The following GPR137C variants were observed in gnomAD, a reference collection of about 807,000 sequenced individuals.
GPR137C encodes the protein integral membrane protein GPR137C.
GPR137C carries 27 observed loss-of-function variants against 43.4 expected under a neutral mutation model. The observed-to-expected ratio is 0.62, with a 90% CI of 0.46 to 0.86. The LOEUF (loss-of-function observed/expected upper bound fraction) is 0.86. Ranked by LOEUF, GPR137C falls within the 40% of genes least tolerant of loss-of-function variation. GPR137C has a pLI of 0.00. For synonymous variants in GPR137C, 285 were observed against 226.9 expected, an observed-to-expected ratio of 1.26 and a Z score of -2.30; for missense variants, 522 against 534.6, an observed-to-expected ratio of 0.98 and a Z score of 0.23.
chr14:52,564,180 C>T (rs1319134271), intron 1 of GPR137C, among the ~76,000 whole-genome samples: 1 of 147,808 alleles, frequency 6.8e-6, no homozygotes, highest in Non-Finnish European at 1.5e-5. Flanking sequence ...GAGGCTGAGG[C>T]AGGAGAATTG....
chr14:52,572,055 C>G (rs1329168739), intron 1 of GPR137C, among the ~76,000 whole-genome samples: 1 of 152,064 alleles, frequency 6.6e-6, no homozygotes, highest in Non-Finnish European at 1.5e-5. Flanking sequence ...AGGAAGAAGT[C>G]AAATCCCCGA....
intron 1 of GPR137C, among the ~76,000 whole-genome samples, chr14:52,556,868 A>T (rs914498217): frequency 3.3e-5 from 5 of 152,128 alleles, no homozygotes; most frequent in African/African-American, 1.2e-4. Context: ...CATCTTCAAC[A>T]TATTGAAGTT....
intron 1 of GPR137C, among the ~76,000 whole-genome samples, chr14:52,559,392 C>CA (rs144561136): frequency 6.6e-6 from 1 of 151,892 alleles, no homozygotes; most frequent in Non-Finnish European, 1.5e-5. Context: ...AAAACAAAAA[C>CA]AAAAAACCTT....
chr14:52,571,096 A>G (rs566901384), intron 1 of GPR137C, among the ~76,000 whole-genome samples: 3 of 152,346 alleles, frequency 2.0e-5, no homozygotes, highest in East Asian at 1.9e-4. Context: ...GAAGTAAAAC[A>G]TTCCTCAGCA....
intron 1 of GPR137C, among the ~76,000 whole-genome samples, chr14:52,559,407 A>T (rs1043392929): frequency 5.9e-5 from 9 of 152,156 alleles, no homozygotes; most frequent in African/African-American, 2.2e-4. Context: ...AACCTTCAAA[A>T]TCAATGTGAT....
intron 1 of GPR137C, among the ~76,000 whole-genome samples, chr14:52,572,026 A>G (rs970415708): frequency 6.6e-6 from 1 of 152,110 alleles, no homozygotes; most frequent in Non-Finnish European, 1.5e-5. Flanking sequence ...GGACACATAC[A>G]CCCTCCCAAG....
rs781648942 is a variant in GPR137C at position 52,600,249 on chromosome 14, G to T, written c.625G>T (p.Asp209Tyr). ...TGTGTTTGTTCGAGCATTAATTAAT[G>T]ATAGCCTGTTTATTCTTTGTGCCAT... is the stretch of plus-strand genomic sequence containing the variant. ...WTVFVRALIN[D>Y]SLFILCAISL... Residue 209 changes from aspartate (D) to tyrosine (Y), a missense_variant, in exon 3 of 7, where the codon GAT becomes TAT. Physicochemically the swap from Asp to Tyr is radical, Grantham distance 160. This residue lies in a region of GPR137C where 437 missense variants were observed against 425.7 expected (regional missense o/e 1.03). Transcript: ENST00000321662. The T allele has an allele frequency of 1.2e-6, 2 of 1,613,566 alleles. No homozygotes were observed. Among genetic ancestry groups the T allele is most frequent in the Admixed American group, 1.7e-5 (1 of 60,000 alleles).
At position 52,553,184 on chromosome 14, in the gene GPR137C, G is replaced by GC; in HGVS notation, c.42dup (p.Ala15ArgfsTer138). 8.3e-7 allele frequency: 1 copy of GC among 1,198,758 alleles called. No homozygotes were observed. 74.3% of individuals were successfully genotyped at this position (1,198,758 alleles called of 1,614,324 possible). ...CGTGCCGGGTCCGGCGGCCGCTGCC[G>GC]CCCCCGCAGCCGGCCGCGAGCCCTC... On this transcript the variant is annotated frameshift_variant, in exon 1 of 7. Transcript: ENST00000321662. LOFTEE classifies it high-confidence loss of function.
At chr14:52,557,324 C>T (rs2038210004) in intron 1 of GPR137C, among the ~76,000 whole-genome samples, 1 of 152,098 alleles carries the variant, frequency 6.6e-6, no homozygotes. Context: ...TATGTATTGT[C>T]TGGAATCTAT....
At chr14:52,589,154 T>C (rs1594792724) in intron 1 of GPR137C, among the ~76,000 whole-genome samples, 1 of 152,218 alleles carries the variant, frequency 6.6e-6, no homozygotes, top group East Asian at 1.9e-4. Context: ...ATGAATCTAC[T>C]TATATGAGGT....
intron 3 of GPR137C, among the ~76,000 whole-genome samples, chr14:52,616,376 C>T (rs759144617): frequency 1.1e-4 from 16 of 152,142 alleles, no homozygotes; most frequent in Admixed American, 6.5e-4. Flanking sequence ...TCACTGCAAC[C>T]TCTGCCTCCT....
chr14:52,574,511 A>G (rs536026027), intron 1 of GPR137C, among the ~76,000 whole-genome samples: 4 of 152,262 alleles, frequency 2.6e-5, no homozygotes, highest in African/African-American at 9.6e-5. Context: ...GGAGTTGAAC[A>G]ATGAGAACAC....
At chr14:52,576,069 T>G (rs753495406) in intron 1 of GPR137C, among the ~76,000 whole-genome samples, 1 of 152,200 alleles carries the variant, frequency 6.6e-6, no homozygotes, top group Non-Finnish European at 1.5e-5. Context: ...AAACTGATAC[T>G]ATGTGGCCCA....
chr14:52,612,427 A>G (rs1399390980), intron 3 of GPR137C: 14 of 981,810 alleles, frequency 1.4e-5, no homozygotes, highest in Non-Finnish European at 9.7e-6. Context: ...CATAATGTTA[A>G]TTTTCTTCAA....
chr14:52,617,836 G>A (rs2039116858), intron 3 of GPR137C, among the ~76,000 whole-genome samples: 1 of 152,180 alleles, frequency 6.6e-6, no homozygotes, highest in African/African-American at 2.4e-5. Flanking sequence ...TAATGATAGT[G>A]CTCTCATGGG....
chr14:52,579,854 A>G (rs2038618101), intron 1 of GPR137C, among the ~76,000 whole-genome samples: 1 of 152,218 alleles, frequency 6.6e-6, no homozygotes, highest in African/African-American at 2.4e-5. Context: ...CTGGCCGTGT[A>G]GGTACCCTCT....
At chr14:52,616,998 T>C (rs2039107108) in intron 3 of GPR137C, among the ~76,000 whole-genome samples, 1 of 152,242 alleles carries the variant, frequency 6.6e-6, no homozygotes, top group Admixed American at 6.5e-5. Flanking sequence ...GTCTATACAG[T>C]GTCTCCAGAA....
intron 1 of GPR137C, among the ~76,000 whole-genome samples, chr14:52,584,351 A>T (rs930162001): frequency 3.3e-5 from 5 of 152,140 alleles, no homozygotes; most frequent in African/African-American, 9.7e-5. Context: ...CAAAATTCTA[A>T]AGGTTGCATA....
intron 6 of GPR137C, among the ~76,000 whole-genome samples, 160 bp downstream of exon 6, chr14:52,634,106 A>C (rs74050995): frequency 6.6e-6 from 1 of 152,176 alleles, no homozygotes; most frequent in Admixed American, 6.5e-5. Context: ...TGTTAAACCC[A>C]GGGTGGGACC....
Sources: gnomAD v4.1 joint callset for allele counts (sites outside exome capture counted in the v4.1 genomes callset) on GRCh38, gnomAD v4.1.1 for gene constraint, gnomAD v4.1.1 regional missense constraint, MANE v1.5 for transcripts, NCBI Gene and HGNC (gene_info 2026-07-23, HGNC 2026-07-21) for gene names.